QTMAN: variants seen among roughly 807,000 people sequenced by gnomAD.
The protein encoded by QTMAN is queuosine-tRNA mannosyltransferase, also known as tRNA-queuosine alpha-mannosyltransferase.
the QTMAN span, among the ~76,000 whole-genome samples, chr2:144,291,300 G>A: frequency 1.3e-5 from 2 of 152,156 alleles, no homozygotes; most frequent in Non-Finnish European, 2.9e-5. Context: ...CTTTTTGGAA[G>A]GGGATACAGT....
At chr2:144,072,751 A>C in the QTMAN span, among the ~76,000 whole-genome samples, 1 of 152,210 alleles carries the variant, frequency 6.6e-6, no homozygotes, top group Non-Finnish European at 1.5e-5. Flanking sequence ...CATGTACATG[A>C]CAGGCTTAGG....
At chr2:144,110,234 C>G in the QTMAN span, among the ~76,000 whole-genome samples, 1 of 152,154 alleles carries the variant, frequency 6.6e-6, no homozygotes, top group Non-Finnish European at 1.5e-5. Context: ...AGTTCATGTC[C>G]TTTGTAGGGA....
chr2:144,025,244 G>A, the QTMAN span, among the ~76,000 whole-genome samples: 1 of 152,102 alleles, frequency 6.6e-6, no homozygotes, highest in African/African-American at 2.4e-5. Context: ...TCCCCAAGCT[G>A]GATGGCTGCC....
chr2:143,960,442 G>A, the QTMAN span, among the ~76,000 whole-genome samples: 7 of 152,058 alleles, frequency 4.6e-5, no homozygotes, highest in Non-Finnish European at 7.4e-5. Flanking sequence ...TAATGTTCAA[G>A]GATTGAAGTA....
At chr2:144,077,736 C>T in the QTMAN span, among the ~76,000 whole-genome samples, 1 of 152,174 alleles carries the variant, frequency 6.6e-6, no homozygotes, top group South Asian at 2.1e-4. Context: ...ATCTTACTAG[C>T]TCTGTCCTGG....
chr2:144,127,249 T>C, the QTMAN span, among the ~76,000 whole-genome samples: 1 of 151,972 alleles, frequency 6.6e-6, no homozygotes, highest in Non-Finnish European at 1.5e-5. Context: ...ACAGTGCTAA[T>C]GCTGAATAAC....
chr2:144,164,169 C>T, the QTMAN span, among the ~76,000 whole-genome samples: 2 of 152,138 alleles, frequency 1.3e-5, no homozygotes, highest in African/African-American at 4.8e-5. Context: ...GGTGATCCAA[C>T]CACCTCTGCC....
At chr2:144,224,768 A>C in the QTMAN span, among the ~76,000 whole-genome samples, 1 of 152,202 alleles carries the variant, frequency 6.6e-6, no homozygotes, top group African/African-American at 2.4e-5. Flanking sequence ...CGACCACAAA[A>C]CATAAACAAA....
chr2:144,169,218 T>C, the QTMAN span, among the ~76,000 whole-genome samples: 1 of 152,096 alleles, frequency 6.6e-6, no homozygotes, highest in Non-Finnish European at 1.5e-5. Flanking sequence ...CATCAGTAGT[T>C]CTTAAAGCTC....
At chr2:144,105,645 G>C in the QTMAN span, among the ~76,000 whole-genome samples, 1 of 152,206 alleles carries the variant, frequency 6.6e-6, no homozygotes, top group South Asian at 2.1e-4. Context: ...ACCTGGAAGT[G>C]ACAGGGAGAA....
At chr2:143,987,768 A>C in the QTMAN span, among the ~76,000 whole-genome samples, 1 of 152,216 alleles carries the variant, frequency 6.6e-6, no homozygotes, top group East Asian at 1.9e-4. Context: ...ATGAGAAGAC[A>C]AACAATTATT....
chr2:144,104,905 G>A, the QTMAN span, among the ~76,000 whole-genome samples: 16 of 152,306 alleles, frequency 1.1e-4, no homozygotes, highest in Admixed American at 4.6e-4. Context: ...CCTCTGAGAC[G>A]AAGCTTCCAG....
chr2:144,132,920 A>G, the QTMAN span, among the ~76,000 whole-genome samples: 53 of 150,262 alleles, frequency 3.5e-4, no homozygotes, highest in East Asian at 0.01. Flanking sequence ...GGGGGCTGCT[A>G]TTTCAATTTT....
the QTMAN span, among the ~76,000 whole-genome samples, chr2:144,303,305 G>C: frequency 5.3e-5 from 8 of 152,140 alleles, no homozygotes; most frequent in African/African-American, 1.9e-4. Flanking sequence ...ATGCAGACAG[G>C]AGACTTACTG....
chr2:144,176,178 T>C, the QTMAN span, among the ~76,000 whole-genome samples: 5 of 152,096 alleles, frequency 3.3e-5, no homozygotes, highest in Non-Finnish European at 7.4e-5. Context: ...AAGTTATCCT[T>C]TTCTCAAAAA....
the QTMAN span, among the ~76,000 whole-genome samples, chr2:144,121,483 C>T: frequency 6.6e-6 from 1 of 152,154 alleles, no homozygotes; most frequent in Non-Finnish European, 1.5e-5. Context: ...GTCTGCCATA[C>T]AGTCATTCTC....
At chr2:144,222,250 G>A in the QTMAN span, among the ~76,000 whole-genome samples, 2 of 151,152 alleles carry the variant, frequency 1.3e-5, no homozygotes, top group Non-Finnish European at 1.5e-5. Context: ...TAGTAGAGAC[G>A]AGGTTTCACC....
At chr2:143,991,573 C>T in the QTMAN span, among the ~76,000 whole-genome samples, 1 of 147,288 alleles carries the variant, frequency 6.8e-6, no homozygotes, top group Non-Finnish European at 1.5e-5. Flanking sequence ...GGGGTCAGCC[C>T]CCCGCCCGAC....
chr2:144,067,482 C>T, the QTMAN span, among the ~76,000 whole-genome samples: 1 of 152,178 alleles, frequency 6.6e-6, no homozygotes, highest in Non-Finnish European at 1.5e-5. Context: ...GATGGTTATG[C>T]CACTCACTGC....
Sources: allele counts gnomAD v4.1 joint callset (sites outside exome capture counted in the v4.1 genomes callset), GRCh38; gene constraint gnomAD v4.1.1; transcripts MANE v1.5; gene names NCBI Gene and HGNC (gene_info 2026-07-23, HGNC 2026-07-21).